WDR37: variants seen among roughly 807,000 people sequenced by gnomAD.
WDR37 encodes the protein WD repeat domain 37.
WDR37 carries 19 observed loss-of-function variants against 62.9 expected under a neutral mutation model. The ratio of observed to expected loss-of-function variants is 0.30; its 90% CI spans 0.21 to 0.44. The LOEUF (loss-of-function observed/expected upper bound fraction) is 0.44, where lower values mean the gene tolerates loss of function less well. WDR37 is among the 20% of genes least tolerant of loss of function. The pLI, the probability that WDR37 is intolerant of heterozygous loss-of-function variation, is 1.00. For synonymous variants in WDR37, 250 were observed against 260.9 expected (o/e 0.96, Z 0.40); for missense variants, 474 against 657.6 (o/e 0.72, Z 3.05).
intron 1 of WDR37, among the ~76,000 whole-genome samples, chr10:1,067,622 C>T (rs1833594365): frequency 6.6e-6 from 1 of 152,148 alleles, no homozygotes; most frequent in Non-Finnish European, 1.5e-5. Context: ...AGACACCTCA[C>T]TGAAGAGGAT....
At chr10:1,072,593 C>T (rs952076008) in intron 2 of WDR37, among the ~76,000 whole-genome samples, 2 of 152,112 alleles carry the variant, frequency 1.3e-5, no homozygotes, top group Admixed American at 6.5e-5. Context: ...GGATTACAGG[C>T]GTGAGCCACC....
intron 11 of WDR37, among the ~76,000 whole-genome samples, chr10:1,117,903 G>A (rs112661528): frequency 6.9e-4 from 90 of 130,470 alleles, no homozygotes; most frequent in Middle Eastern, 0.011. Context: ...GTCCCTGCAC[G>A]CATCTGAGCC....
At chr10:1,110,458 G>A (rs913561129) in intron 11 of WDR37, among the ~76,000 whole-genome samples, 3 of 152,218 alleles carry the variant, frequency 2.0e-5, no homozygotes, top group Non-Finnish European at 2.9e-5. Flanking sequence ...GAGCCAATAC[G>A]ACAAATAAAA....
chr10:1,113,897 T>C (rs1275136669), intron 11 of WDR37, among the ~76,000 whole-genome samples: 1 of 150,944 alleles, frequency 6.6e-6, no homozygotes, highest in Non-Finnish European at 1.5e-5. Context: ...AAAGCAGTGG[T>C]AGGGTTTGAG....
intron 11 of WDR37, among the ~76,000 whole-genome samples, chr10:1,113,054 A>G (rs1835263656): frequency 6.7e-6 from 1 of 149,222 alleles, no homozygotes; most frequent in South Asian, 2.2e-4. Context: ...GCTAGAGAAG[A>G]GAAGTCACTG....
intron 9 of WDR37, among the ~76,000 whole-genome samples, chr10:1,099,721 A>G (rs1004161741): frequency 9.9e-5 from 15 of 150,998 alleles, no homozygotes; most frequent in African/African-American, 3.7e-4. Context: ...GAGGGTGAGC[A>G]TTGATGCTTA....
chr10:1,101,750 T>G (rs1834811715), intron 9 of WDR37, among the ~76,000 whole-genome samples: 1 of 152,150 alleles, frequency 6.6e-6, no homozygotes, highest in African/African-American at 2.4e-5. Context: ...ATGGCGGGAA[T>G]GTTGTTCCTC....
At chr10:1,117,423 G>A (rs1320242484) in intron 11 of WDR37, among the ~76,000 whole-genome samples, 4 of 152,174 alleles carry the variant, frequency 2.6e-5, no homozygotes, top group African/African-American at 7.2e-5. Context: ...GAGATTTAGT[G>A]TATCTCTGTT....
chr10:1,110,304 T>A (rs1270377406), intron 11 of WDR37, among the ~76,000 whole-genome samples: 3 of 152,212 alleles, frequency 2.0e-5, no homozygotes, highest in African/African-American at 7.2e-5. Flanking sequence ...AAACTCTTCC[T>A]TCCTGACATC....
intron 13 of WDR37, among the ~76,000 whole-genome samples, chr10:1,127,732 T>C (rs4880771): frequency 0.57 from 86,859 of 151,566 alleles, 24,846 homozygotes; most frequent in East Asian, 0.64. Flanking sequence ...GCTCACGGAG[T>C]GTGAGGGTCC....
chr10:1,076,602 CT>C (rs1168151086), intron 2 of WDR37, among the ~76,000 whole-genome samples: 2 of 151,194 alleles, frequency 1.3e-5, no homozygotes, highest in African/African-American at 4.9e-5. Flanking sequence ...TGGCACGAAC[CT>C]GGGAGGCGGA....
chr10:1,066,260 T>C (rs748126411), intron 1 of WDR37, among the ~76,000 whole-genome samples: 5 of 152,024 alleles, frequency 3.3e-5, no homozygotes, highest in African/African-American at 4.8e-5. Flanking sequence ...GGACTACAGG[T>C]GCCTGCCACC....
chr10:1,079,160 C>T (rs903576577), intron 3 of WDR37, among the ~76,000 whole-genome samples: 1 of 151,848 alleles, frequency 6.6e-6, no homozygotes, highest in Non-Finnish European at 1.5e-5. Context: ...TCTGGGCTCA[C>T]TGCAACCTCC....
At chr10:1,125,561 TGCAGCTCCTCTGTTTCACAG>T in intron 13 of WDR37, among the ~76,000 whole-genome samples, 1 of 152,330 alleles carries the variant, frequency 6.6e-6, no homozygotes, top group Admixed American at 6.5e-5. Context: ...AAAGAAAACA[TGCAGCTCCTCTGTTTCACAG>T]GCATGCGGAA....
chr10:1,094,098 C>T (rs956651317), intron 8 of WDR37, among the ~76,000 whole-genome samples: 6 of 152,134 alleles, frequency 3.9e-5, no homozygotes, highest in Admixed American at 6.5e-5. Flanking sequence ...GTGATGATCT[C>T]GAAGGATGTG....
At chr10:1,118,658 A>G (rs531913689) in intron 11 of WDR37, among the ~76,000 whole-genome samples, 6 of 152,298 alleles carry the variant, frequency 3.9e-5, no homozygotes, top group African/African-American at 1.4e-4. Context: ...ATTTAACACC[A>G]TCTTTGGAGA....
intron 13 of WDR37, among the ~76,000 whole-genome samples, chr10:1,126,737 G>A (rs1001099481): frequency 2.6e-5 from 4 of 152,348 alleles, no homozygotes; most frequent in South Asian, 2.1e-4. Flanking sequence ...AGGCACGTGC[G>A]AAAGTGGGGG....
intron 11 of WDR37, among the ~76,000 whole-genome samples, chr10:1,109,418 TG>T (rs1835138542): frequency 6.6e-6 from 1 of 152,256 alleles, no homozygotes; most frequent in African/African-American, 2.4e-5. Context: ...AAGTCAGTGC[TG>T]GTGGCATCTT....
chr10:1,110,302 C>T (rs1195268870), intron 11 of WDR37, among the ~76,000 whole-genome samples: 7 of 152,176 alleles, frequency 4.6e-5, no homozygotes, highest in Non-Finnish European at 1.0e-4. Context: ...ACAAACTCTT[C>T]CTTCCTGACA....
Sources: gnomAD v4.1 joint callset for allele counts (sites outside exome capture counted in the v4.1 genomes callset) on GRCh38, gnomAD v4.1.1 for gene constraint, MANE v1.5 for transcripts, NCBI Gene and HGNC (gene_info 2026-07-23, HGNC 2026-07-21) for gene names.